The following NALCN variants were observed in gnomAD, a reference collection of about 807,000 sequenced individuals.
NALCN encodes sodium leak channel, non-selective.
A neutral mutation model predicts 225.3 loss-of-function variants in NALCN; 111 were observed. The observed-to-expected ratio is 0.49, with a 90% CI of 0.42 to 0.58. The LOEUF (loss-of-function observed/expected upper bound fraction) is 0.58, where lower values mean the gene tolerates loss of function less well. NALCN is among the 20% of genes least tolerant of loss of function. The pLI is 0.00. For missense variants in NALCN, 1,378 were observed against 2,202.4 expected (o/e 0.63, Z 7.49); for synonymous variants, 764 against 769.0 (o/e 0.99, Z 0.11).
chr13:101,179,334 C>T (rs1399715785), intron 14 of NALCN, among the ~76,000 whole-genome samples: 1 of 152,048 alleles, frequency 6.6e-6, no homozygotes, highest in African/African-American at 2.4e-5. Flanking sequence ...TTTAATTCTC[C>T]CCGAGCAACC....
intron 17 of NALCN, among the ~76,000 whole-genome samples, 184 bp from the exon 18 acceptor site, chr13:101,124,865 T>C (rs1377022885): frequency 6.6e-6 from 1 of 152,216 alleles, no homozygotes; most frequent in East Asian, 1.9e-4. Context: ...AACAAACTTG[T>C]GGGGCCCCAC....
chr13:101,167,711 G>A lies in NALCN; in HGVS notation c.1839+8589C>T, dbSNP rs140187658. Among the ~76,000 whole-genome samples the A allele has an allele frequency of 3.1e-3, 470 of 151,322 alleles. 4 individuals are homozygous for A. The highest frequency in any genetic ancestry group is 0.011 in the African/African-American group (452 of 41,348). On this transcript the variant is annotated intron_variant, in intron 15 of 43. Coordinates refer to ENST00000251127, the MANE Select transcript of NALCN (RefSeq NM_052867.4). Reference sequence around the variant, plus strand: ...AAATTAGTTGGATTTGGTGGTGCATGCCTGTAATCCCAGCTACTTGGTAGA... The same window carrying A: ...AAATTAGTTGGATTTGGTGGTGCATACCTGTAATCCCAGCTACTTGGTAGA...
At chr13:101,294,793 G>C (rs2043682065) in intron 7 of NALCN, among the ~76,000 whole-genome samples, 1 of 152,014 alleles carries the variant, frequency 6.6e-6, no homozygotes. Flanking sequence ...AGTATACAGA[G>C]ATAAGAATTT....
At chr13:101,065,695 A>G in intron 39 of NALCN, 134 bp from the exon 40 acceptor site, 2 of 1,054,260 alleles carry the variant, frequency 1.9e-6, no homozygotes, top group East Asian at 2.6e-5. Flanking sequence ...AAAGCTGGTC[A>G]CCTCCTTGGA....
At chr13:101,377,388 T>C (rs1375091099) in intron 4 of NALCN, among the ~76,000 whole-genome samples, 2 of 152,286 alleles carry the variant, frequency 1.3e-5, no homozygotes, top group African/African-American at 2.4e-5. Flanking sequence ...TAGTGGAGGC[T>C]TTTGAATATC....
At chr13:101,334,057 C>T (rs2045278212) in intron 7 of NALCN, among the ~76,000 whole-genome samples, 2 of 152,098 alleles carry the variant, frequency 1.3e-5, no homozygotes, top group Non-Finnish European at 2.9e-5. Flanking sequence ...CAAGTATATA[C>T]CGAGTTCAAT....
At chr13:101,286,361 A>C (rs9557603) in intron 9 of NALCN, among the ~76,000 whole-genome samples, 7,905 of 152,148 alleles carry the variant, frequency 0.052, 343 homozygotes, top group East Asian at 0.24. Flanking sequence ...TACATACAGG[A>C]CTATAGGATG....
At position 101,325,162 on chromosome 13, in the gene NALCN, A is replaced by G. The variant is rs184551543; in HGVS notation, c.799+20104T>C. ...AAGGCAAGCATCTTCCACATGAAACAGCACATACTACAGATAAAGTAACAA... is the reference window on the plus strand; with the variant it reads ...AAGGCAAGCATCTTCCACATGAAACGGCACATACTACAGATAAAGTAACAA... On this transcript the variant is annotated intron_variant, in intron 7 of 43. Coordinates refer to ENST00000251127, the MANE Select transcript of NALCN (RefSeq NM_052867.4). Among the ~76,000 whole-genome samples, 6 of 152,324 alleles carry G rather than the reference A, an allele frequency of 3.9e-5. No individual in the cohort carries two copies. In the East Asian group the frequency reaches 9.7e-4, roughly 25 times the overall value.
chr13:101,250,640 C>G (rs1380045528), intron 11 of NALCN, among the ~76,000 whole-genome samples: 2 of 151,842 alleles, frequency 1.3e-5, no homozygotes, highest in Non-Finnish European at 2.9e-5. Flanking sequence ...AAAACTCTAG[C>G]CTTTACTATA....
intron 15 of NALCN, among the ~76,000 whole-genome samples, chr13:101,163,213 T>C (rs1160230621): frequency 1.3e-5 from 2 of 151,978 alleles, no homozygotes; most frequent in East Asian, 3.9e-4. Flanking sequence ...TATATATATA[T>C]ATATTTTAAT....
intron 6 of NALCN, among the ~76,000 whole-genome samples, chr13:101,375,552 T>C (rs1004869741): frequency 1.3e-5 from 2 of 152,212 alleles, no homozygotes; most frequent in Admixed American, 6.5e-5. Context: ...GATCCTTATA[T>C]ACCCAATTGG....
intron 10 of NALCN, among the ~76,000 whole-genome samples, chr13:101,267,606 G>A (rs1430425922): frequency 6.6e-6 from 1 of 152,200 alleles, no homozygotes; most frequent in Non-Finnish European, 1.5e-5. Flanking sequence ...AACCCCGAGC[G>A]ACCACATCAA....
intron 11 of NALCN, among the ~76,000 whole-genome samples, chr13:101,257,209 G>GTTTTTTT (rs34334262): frequency 7.9e-4 from 96 of 121,038 alleles, no homozygotes; most frequent in Non-Finnish European, 1.0e-3. Flanking sequence ...ATTGTTTATT[G>GTTTTTTT]TTTTTTTTTT....
chr13:101,068,591 A>G, intron 38 of NALCN, 104 bp downstream of exon 38: 1 of 1,221,674 alleles, frequency 8.2e-7, no homozygotes, highest in Admixed American at 3.4e-5. Flanking sequence ...TAATGCCATG[A>G]AACACCCACC....
At chr13:101,116,027 T>G (rs1458508320) in intron 18 of NALCN, among the ~76,000 whole-genome samples, 1 of 152,162 alleles carries the variant, frequency 6.6e-6, no homozygotes, top group Non-Finnish European at 1.5e-5. Context: ...ATGTAATCCC[T>G]TTATTCCTGT....
chr13:101,232,608 G>C (rs1055715582), intron 12 of NALCN, among the ~76,000 whole-genome samples: 7 of 151,836 alleles, frequency 4.6e-5, no homozygotes, highest in African/African-American at 1.5e-4. Flanking sequence ...ACCACACCCA[G>C]CTAATTTTTT....
chr13:101,413,596 T>C (rs2047847864), intron 1 of NALCN, among the ~76,000 whole-genome samples: 1 of 152,158 alleles, frequency 6.6e-6, no homozygotes, highest in African/African-American at 2.4e-5. Context: ...AATGCCACGA[T>C]GACAACTACC....
chr13:101,312,267 C>T (rs1432544682), intron 7 of NALCN, among the ~76,000 whole-genome samples: 1 of 151,976 alleles, frequency 6.6e-6, no homozygotes, highest in African/African-American at 2.4e-5. Context: ...CTTTATTAGT[C>T]TTGTTAGAGG....
rs59325179 is a variant in NALCN at position 101,083,036 on chromosome 13, G to A, written c.3690+56C>T. On this transcript the variant is annotated intron_variant, in intron 32 of 43. Transcript: ENST00000251127. ...GCATATAGCAGCTTGTGATACTCTCGGATGTAGCAGTGAATACAAAATTCA... is the reference window on the plus strand; with the variant it reads ...GCATATAGCAGCTTGTGATACTCTCAGATGTAGCAGTGAATACAAAATTCA... 3,115 of 1,568,734 alleles carry A rather than the reference G, an allele frequency of 2.0e-3. 44 individuals carry two copies. The African/African-American group carries it at 0.033, about 17-fold the overall frequency.
Sources: gnomAD v4.1 joint callset for allele counts (sites outside exome capture counted in the v4.1 genomes callset) on GRCh38, gnomAD v4.1.1 for gene constraint, MANE v1.5 for transcripts, NCBI Gene and HGNC (gene_info 2026-07-23, HGNC 2026-07-21) for gene names.